OR4F16: variants seen among roughly 807,000 people sequenced by gnomAD.
OR4F16 encodes olfactory receptor 4F3/4F16/4F29.
the OR4F16 span, among the ~76,000 whole-genome samples, chr1:680,064 C>A: frequency 1.5e-5 from 2 of 129,628 alleles, no homozygotes; most frequent in Non-Finnish European, 3.2e-5. Flanking sequence ...GTTCAACATA[C>A]GCAAATCAAT....
the OR4F16 span, among the ~76,000 whole-genome samples, chr1:693,295 AT>A: frequency 7.2e-6 from 1 of 138,416 alleles, no homozygotes; most frequent in African/African-American, 2.9e-5. Context: ...GGATGGTAGA[AT>A]AAAGGAGAAG....
At chr1:714,937 TGCA>T in the OR4F16 span, among the ~76,000 whole-genome samples, 1 of 110,978 alleles carries the variant, frequency 9.0e-6, no homozygotes. Flanking sequence ...TCCTGCAGAA[TGCA>T]GACACTTTCT....
At chr1:701,294 G>A in the OR4F16 span, among the ~76,000 whole-genome samples, 3 of 149,528 alleles carry the variant, frequency 2.0e-5, no homozygotes, top group Non-Finnish European at 4.4e-5. Context: ...TGAGGAAAAC[G>A]CACCAAAGTC....
At chr1:717,249 G>C in the OR4F16 span, among the ~76,000 whole-genome samples, 11 of 151,162 alleles carry the variant, frequency 7.3e-5, no homozygotes, top group African/African-American at 2.7e-4. Context: ...AACTCAGAGA[G>C]AAGAGCAACT....
the OR4F16 span, chr1:701,965 T>C: frequency 1.3e-5 from 2 of 149,774 alleles, no homozygotes; most frequent in Non-Finnish European, 3.0e-5. Context: ...CCTGGTAATA[T>C]GAAAAACACA....
upstream of OR4F16, among the ~76,000 whole-genome samples, chr1:689,976 C>T (rs1351515420): frequency 2.0e-4 from 25 of 122,006 alleles, no homozygotes; most frequent in Admixed American, 3.4e-4. Flanking sequence ...TTCAAGGATG[C>T]TACTGAGTTT....
At chr1:702,380 C>T in the OR4F16 span, 4 of 150,962 alleles carry the variant, frequency 2.6e-5, no homozygotes, top group South Asian at 8.4e-4. Flanking sequence ...CCACCGCCAT[C>T]ATTTTGCAAG....
At chr1:716,955 G>GAAAA in the OR4F16 span, among the ~76,000 whole-genome samples, 1 of 68,732 alleles carries the variant, frequency 1.5e-5, no homozygotes, top group Non-Finnish European at 3.1e-5. Context: ...ATAAATAAAT[G>GAAAA]ATAAAAAATG....
chr1:710,340 C>A, the OR4F16 span, among the ~76,000 whole-genome samples: 2 of 72,148 alleles, frequency 2.8e-5, no homozygotes, highest in African/African-American at 8.4e-5. Flanking sequence ...AAATTATAAT[C>A]TAGTTGAGTA....
At chr1:701,313 A>G in the OR4F16 span, among the ~76,000 whole-genome samples, 1 of 150,012 alleles carries the variant, frequency 6.7e-6, no homozygotes, top group Non-Finnish European at 1.5e-5. Flanking sequence ...TCATATTCTG[A>G]TGGGAGAATT....
the OR4F16 span, chr1:701,936 A>G: frequency 6.6e-6 from 1 of 151,248 alleles, no homozygotes; most frequent in Non-Finnish European, 1.5e-5. Flanking sequence ...AAAGAAAATT[A>G]AAATCTCCTT....
At chr1:679,888 A>C in the OR4F16 span, among the ~76,000 whole-genome samples, 1 of 123,468 alleles carries the variant, frequency 8.1e-6, no homozygotes, top group Non-Finnish European at 1.7e-5. Context: ...TTCTGGTACC[A>C]AAATTTGGCA....
the OR4F16 span, among the ~76,000 whole-genome samples, chr1:693,242 CAAAG>C: frequency 6.7e-6 from 1 of 148,168 alleles, no homozygotes; most frequent in African/African-American, 2.6e-5. Flanking sequence ...GAAGAGAGAA[CAAAG>C]AGAGAGAGAA....
the OR4F16 span, among the ~76,000 whole-genome samples, chr1:692,875 AG>A: frequency 5.8e-3 from 734 of 125,702 alleles, no homozygotes; most frequent in African/African-American, 0.023. Flanking sequence ...AAAATATGTC[AG>A]GGTGGAGAAA....
chr1:714,917 CAATAT>C, the OR4F16 span, among the ~76,000 whole-genome samples: 1 of 124,286 alleles, frequency 8.0e-6, no homozygotes, highest in Non-Finnish European at 1.6e-5. Flanking sequence ...TCTTTTTATA[CAATAT>C]AAGTTCCTGC....
chr1:712,426 CGT>C, the OR4F16 span, among the ~76,000 whole-genome samples: 1 of 89,168 alleles, frequency 1.1e-5, no homozygotes, highest in African/African-American at 3.7e-5. Flanking sequence ...GGGGTTTCAC[CGT>C]GTTAGCCAGG....
the OR4F16 span, among the ~76,000 whole-genome samples, chr1:701,518 G>C: frequency 6.6e-6 from 1 of 150,526 alleles, no homozygotes; most frequent in East Asian, 2.0e-4. Context: ...GAGAGGTTCT[G>C]TCAGACTGCT....
upstream of OR4F16, among the ~76,000 whole-genome samples, chr1:690,235 T>C (rs1208615270): frequency 2.1e-5 from 2 of 94,406 alleles, no homozygotes; most frequent in African/African-American, 1.1e-4. Flanking sequence ...TACTACCATA[T>C]ACTAATCAAG....
At chr1:686,832 CACA>C (rs1280351506), upstream of OR4F16, among the ~76,000 whole-genome samples, 6 of 33,028 alleles carry the variant, frequency 1.8e-4, no homozygotes, top group Admixed American at 3.5e-4. Context: ...ATAATATTAT[CACA>C]ACATGTGAGC....
Sources: gnomAD v4.1 joint callset for allele counts (sites outside exome capture counted in the v4.1 genomes callset) on GRCh38, gnomAD v4.1.1 for gene constraint, MANE v1.5 for transcripts, NCBI Gene and HGNC (gene_info 2026-07-23, HGNC 2026-07-21) for gene names.